The following CCNL1 variants were observed in gnomAD, a reference collection of about 807,000 sequenced individuals.
The protein encoded by CCNL1 is cyclin L1, also known as cyclin-L1.
CCNL1 carries 13 observed loss-of-function variants against 60.6 expected under a neutral mutation model. The observed-to-expected ratio is 0.21, with a 90% CI of 0.14 to 0.34. The LOEUF is 0.34. Ranked by LOEUF, CCNL1 falls within the 10% of genes least tolerant of loss-of-function variation. The pLI, the probability that CCNL1 is intolerant of heterozygous loss-of-function variation, is 1.00. For missense variants in CCNL1, 481 were observed against 664.3 expected (o/e 0.72, Z 3.03); for synonymous variants, 270 against 244.3 (o/e 1.10, Z -0.98).
At chr3:157,145,964 G>T (rs1737773078), downstream of CCNL1, among the ~76,000 whole-genome samples, 1 of 152,050 alleles carries the variant, frequency 6.6e-6, no homozygotes, top group Non-Finnish European at 1.5e-5. Flanking sequence ...TAGAGATGAG[G>T]GCTCTCTGGA....
In CCNL1 at chr3:157,152,330, A is replaced by G. The variant is rs537710587; in HGVS notation, c.610-89T>C. ...TGAAAAAAGTAATTGAAAATGTTAGACTCAAGTTCTAATTGTGCATCGATA... is the reference window on the plus strand; with the variant it reads ...TGAAAAAAGTAATTGAAAATGTTAGGCTCAAGTTCTAATTGTGCATCGATA... On this transcript the variant is annotated intron_variant, in intron 4 of 10. Coordinates refer to ENST00000295926, the MANE Select transcript of CCNL1 (RefSeq NM_020307.4). 109 of 1,543,124 alleles carry G rather than the reference A, an allele frequency of 7.1e-5. No individual in the cohort carries two copies. The East Asian group carries it at 2.3e-3, about 32-fold the overall frequency.
chr3:157,158,763 T>C (rs1302786644), intron 3 of CCNL1, 103 bp downstream of exon 3: 6 of 703,260 alleles, frequency 8.5e-6, no homozygotes, highest in Non-Finnish European at 1.4e-5. Context: ...GTCCGTTTTC[T>C]TTTGCATCCG....
At chr3:157,156,969 G>A in intron 3 of CCNL1, 1 of 1,289,814 alleles carries the variant, frequency 7.8e-7, no homozygotes, top group East Asian at 5.5e-5. Flanking sequence ...CCTATTCTCA[G>A]AGCACTGGCT....
At chr3:157,159,571 C>G in intron 1 of CCNL1, 92 bp from the exon 2 acceptor site, 1 of 1,237,008 alleles carries the variant, frequency 8.1e-7, no homozygotes, top group Non-Finnish European at 1.2e-6. Context: ...GCTTCCCTTT[C>G]CCCTCCCGCC....
Position 157,148,451 on chromosome 3 carries a change from T to G in CCNL1, c.1371A>C (p.Leu457Phe). The G allele has an allele frequency of 6.2e-7, 1 of 1,614,216 alleles. No individual in the cohort carries two copies. Among genetic ancestry groups the G allele is most frequent in the Non-Finnish European group, 8.5e-7 (1 of 1,180,044 alleles). The change falls in exon 11 of 11, where the codon TTA (leucine) becomes TTC (phenylalanine). Residue 457 changes from leucine to phenylalanine, a missense_variant. Transcript: ENST00000295926. ...HLKAKHTRDD[L>F]KSSNRHGHKR... ...TATGACCATGTCTGTTTGAACTTTT[T>G]AAATCATCTCTGGTATGCTTGGCCT... is the stretch of plus-strand genomic sequence containing the variant.
At chr3:157,150,829 CA>C in intron 5 of CCNL1, 1 of 988,046 alleles carries the variant, frequency 1.0e-6, no homozygotes, top group African/African-American at 1.7e-5. Flanking sequence ...ATACCGTTAA[CA>C]GGGGTAAAAA....
chr3:157,146,850 C>T (rs1737802429), downstream of CCNL1, among the ~76,000 whole-genome samples: 1 of 152,134 alleles, frequency 6.6e-6, no homozygotes, highest in South Asian at 2.1e-4. Flanking sequence ...AAGTGGCTAA[C>T]TTTTGCTGGG....
In CCNL1 at chr3:157,158,886, G is replaced by A. The variant is rs756229574; in HGVS notation, c.468C>T (p.Leu156=). ...IRDVINVFHH[L]RQLRGKRTPS... Reference sequence around the variant, plus strand: ...CTTACCTTTTTCCTCTTAACTGGCGGAGGTGGTGGAATACATTAATCACAT... The same window carrying A: ...CTTACCTTTTTCCTCTTAACTGGCGAAGGTGGTGGAATACATTAATCACAT... Residue 156 remains leucine, a synonymous_variant, in exon 3 of 11, where the codon CTC becomes CTT. Coordinates refer to ENST00000295926, the MANE Select transcript of CCNL1 (RefSeq NM_020307.4). 6.2e-7 allele frequency: 1 copy of A among 1,611,242 alleles called. No homozygotes were observed. Among genetic ancestry groups the A allele is most frequent in the Non-Finnish European group, 8.5e-7 (1 of 1,177,964 alleles).
chr3:157,159,049 T>C (rs1738845363), intron 2 of CCNL1, 74 bp from the exon 3 acceptor site: 5 of 983,432 alleles, frequency 5.1e-6, no homozygotes, highest in Middle Eastern at 2.1e-4. Context: ...TAGAACACAA[T>C]TGGGACAACC....
downstream of CCNL1, among the ~76,000 whole-genome samples, chr3:157,146,811 A>T (rs1737799804): frequency 6.6e-6 from 1 of 152,196 alleles, no homozygotes; most frequent in Admixed American, 6.5e-5. Context: ...AAGAAGTCTT[A>T]ATGAACTATC....
chr3:157,152,324 T>C (rs899617776), intron 4 of CCNL1, 83 bp from the exon 5 acceptor site: 10 of 1,551,144 alleles, frequency 6.4e-6, no homozygotes, highest in Non-Finnish European at 7.8e-6. Context: ...TAATTGAAAA[T>C]GTTAGACTCA....
intron 10 of CCNL1, chr3:157,148,952 A>G (rs1737952261): frequency 3.0e-6 from 1 of 330,316 alleles, no homozygotes; most frequent in African/African-American, 2.2e-5. Flanking sequence ...TAATTTGATT[A>G]TTGGTTATTA....
In CCNL1 at chr3:157,159,870, G is replaced by C. The variant is rs1738952516; in HGVS notation, c.225C>G (p.Asp75Glu). Residue 75 changes from aspartate to glutamate, a missense_variant, in exon 1 of 11, where the codon GAC becomes GAG. Asp to Glu is a conservative substitution (Grantham distance 45). Coordinates refer to ENST00000295926, the MANE Select transcript of CCNL1 (RefSeq NM_020307.4). The part of the protein sequence containing the change: ...SPTPSMQDGL[D>E]LPSETDLRIL... ...TGCGTAAGTCCGTCTCACTGGGCAG[G>C]TCGAGCCCATCCTGCATGGATGGGG... 2 of 1,592,784 alleles carry C rather than the reference G, an allele frequency of 1.3e-6. No individual in the cohort carries two copies. The highest frequency in any genetic ancestry group is 2.3e-5 in the South Asian group (2 of 87,998).
chr3:157,159,799 A>AGCCGGAGGAGAAT lies in CCNL1; in HGVS notation c.283_295dup (p.Leu99HisfsTer40). The AGCCGGAGGAGAAT allele has an allele frequency of 6.5e-7, 1 of 1,535,768 alleles. No homozygotes were observed. Among genetic ancestry groups the AGCCGGAGGAGAAT allele is most frequent in the Non-Finnish European group, 8.8e-7 (1 of 1,134,904 alleles). Reference sequence around the variant, plus strand: ...CGGGGCCGGAGCACTGACCTGCGGCAGCCGGAGGAGAATGCCGGCGGCCTG... The same window carrying AGCCGGAGGAGAAT: ...CGGGGCCGGAGCACTGACCTGCGGCAGCCGGAGGAGAATGCCGGAGGAGAATGCCGGCGGCCTG... On this transcript the variant is annotated frameshift_variant, in exon 1 of 11. Transcript: ENST00000295926. LOFTEE classifies it high-confidence loss of function.
rs772691946 is a variant in CCNL1 at position 157,148,337 on chromosome 3, A to G, written c.1485T>C (p.His495=). The G allele has an allele frequency of 2.6e-5, 42 of 1,614,014 alleles. No homozygotes were observed. The highest frequency in any genetic ancestry group is 3.1e-5 in the Non-Finnish European group (37 of 1,180,028). The change falls in exon 11 of 11, where the codon CAT becomes CAC. Residue 495 remains histidine, a synonymous_variant. Transcript: ENST00000295926. The stretch of plus-strand genomic sequence containing the variant: ...AGCGAGATCGTTCACGCCTGTCCCT[A>G]TGATGTCCCCTTTCATGCCTGTGTT... ...AKKHRHERGH[H]RDRRERSRSF... is the part of the protein sequence containing the mutation.
intron 3 of CCNL1, 188 bp from the exon 4 acceptor site, chr3:157,153,344 A>C: frequency 2.0e-6 from 1 of 499,484 alleles, no homozygotes; most frequent in Non-Finnish European, 3.5e-6. Flanking sequence ...CATCTACGAG[A>C]CTAAGTTCCT....
chr3:157,148,820 T>G (rs1212507791), intron 10 of CCNL1: 1 of 520,544 alleles, frequency 1.9e-6, no homozygotes, highest in African/African-American at 1.9e-5. Flanking sequence ...TTAGCAATTT[T>G]TATAGTGTCC....
rs2108141291 is a variant in CCNL1, at chr3:157,158,916, T to A, written c.438A>T (p.Ile146=). 30 of 1,613,748 alleles carry A rather than the reference T, an allele frequency of 1.9e-5. No individual in the cohort carries two copies. The highest frequency in any genetic ancestry group is 2.5e-5 in the Non-Finnish European group (30 of 1,179,880). ...GGTGGAATACATTAATCACATCTCT[T>A]ATTCTTCTAGGTGCTTCTTCGATTT... is the stretch of plus-strand genomic sequence containing the variant. The part of the protein sequence containing the change: ...ASKIEEAPRR[I]RDVINVFHHL... Residue 146 remains isoleucine (I), a synonymous_variant, in exon 3 of 11, where the codon ATA becomes ATT. Transcript: ENST00000295926.
intron 3 of CCNL1, among the ~76,000 whole-genome samples, chr3:157,156,284 A>G (rs548789626): frequency 6.6e-6 from 1 of 152,384 alleles, no homozygotes; most frequent in South Asian, 2.1e-4. Flanking sequence ...GCCACCTTGT[A>G]GAGCCACAGA....
Sources: allele counts gnomAD v4.1 joint callset (sites outside exome capture counted in the v4.1 genomes callset), GRCh38; gene constraint gnomAD v4.1.1; transcripts MANE v1.5; gene names NCBI Gene and HGNC (gene_info 2026-07-23, HGNC 2026-07-21).